The following KLHL25 variants were observed in gnomAD, a reference collection of about 807,000 sequenced individuals.
KLHL25 encodes the protein kelch like family member 25.
In KLHL25, 41 loss-of-function variants were observed where a neutral mutation model predicts 30.0. The observed-to-expected ratio is 1.37, with a 90% CI of 1.07 to 1.78. KLHL25 has a LOEUF of 1.78. Ranked by LOEUF, KLHL25 falls within the 40% of genes most tolerant of loss-of-function variation. The pLI, the probability that KLHL25 is intolerant of heterozygous loss-of-function variation, is 0.00. For missense variants in KLHL25, 971 were observed against 824.5 expected (o/e 1.18, Z -2.18); for synonymous variants, 399 against 355.3 (o/e 1.12, Z -1.38).
At chr15:85,771,153 T>C (rs1177618228) in intron 1 of KLHL25, 1 of 171,976 alleles carries the variant, frequency 5.8e-6, no homozygotes, top group Non-Finnish European at 1.3e-5. Flanking sequence ...GCTCCAGCTG[T>C]GGCTACAACA....
chr15:85,775,359 T>C (rs980606156), intron 1 of KLHL25, among the ~76,000 whole-genome samples: 5 of 152,172 alleles, frequency 3.3e-5, no homozygotes, highest in Middle Eastern at 3.4e-3. Flanking sequence ...CTGCATGAGG[T>C]TGGGTGCCCT....
At chr15:85,770,742 C>A (rs1210917450) in intron 1 of KLHL25, among the ~76,000 whole-genome samples, 1 of 152,176 alleles carries the variant, frequency 6.6e-6, no homozygotes, top group Non-Finnish European at 1.5e-5. Flanking sequence ...CCCCAGCTGA[C>A]GCCAGGATCC....
chr15:85,778,869 C>T (rs112006210), intron 1 of KLHL25, among the ~76,000 whole-genome samples: 385 of 152,242 alleles, frequency 2.5e-3, no homozygotes, highest in African/African-American at 9.0e-3. Context: ...GGATTAAGCT[C>T]CCAGGCCCCA....
At chr15:85,776,309 T>G (rs1297992893) in intron 1 of KLHL25, among the ~76,000 whole-genome samples, 2 of 151,616 alleles carry the variant, frequency 1.3e-5, no homozygotes, top group South Asian at 2.1e-4. Context: ...GCCAATATGG[T>G]GAAACCCCAT....
intron 1 of KLHL25, among the ~76,000 whole-genome samples, chr15:85,778,095 G>A (rs2089721180): frequency 6.6e-6 from 1 of 152,188 alleles, no homozygotes; most frequent in Non-Finnish European, 1.5e-5. Context: ...ATTAATACAT[G>A]CATCATGGTT....
intron 2 of KLHL25, chr15:85,764,100 G>A (rs774980564): frequency 7.9e-5 from 12 of 152,298 alleles, no homozygotes; most frequent in Non-Finnish European, 1.6e-4. Context: ...AGCAGCGAGA[G>A]CTCTGCTTGC....
intron 1 of KLHL25, among the ~76,000 whole-genome samples, chr15:85,775,162 C>A (rs964991636): frequency 6.6e-6 from 1 of 152,224 alleles, no homozygotes; most frequent in Admixed American, 6.5e-5. Flanking sequence ...CAGGCATGAG[C>A]CACTGCGCCC....
chr15:85,773,532 G>C (rs1248586169), intron 1 of KLHL25, among the ~76,000 whole-genome samples: 1 of 152,200 alleles, frequency 6.6e-6, no homozygotes, highest in East Asian at 1.9e-4. Flanking sequence ...TCCCGGGGTG[G>C]GCACTGGGCC....
At position 85,768,627 on chromosome 15, in the gene KLHL25, C is replaced by A. The variant is rs769624698; in HGVS notation, c.1184G>T (p.Gly395Val). The A allele has an allele frequency of 2.5e-6, 4 of 1,612,324 alleles. No homozygotes were observed. Among genetic ancestry groups the A allele is most frequent in the Admixed American group, 3.3e-5 (2 of 59,974 alleles). ...ELENCLYVVG[G>V]HTSLAGVFPA... The stretch of plus-strand genomic sequence containing the variant: ...GAAGACCCCTGCCAGGGATGTGTGT[C>A]CCCCCACCACATAGAGGCAGTTCTC... The change falls in exon 2 of 3, where the codon GGA (glycine) becomes GTA (valine). Residue 395 changes from glycine to valine, a missense_variant. Gly to Val is a moderately radical substitution (Grantham distance 109). Coordinates refer to ENST00000337975, the MANE Select transcript of KLHL25 (RefSeq NM_022480.4).
chr15:85,767,913 T>G (rs2089635056), intron 2 of KLHL25, 104 bp downstream of exon 2: 4 of 754,416 alleles, frequency 5.3e-6, no homozygotes, highest in Admixed American at 5.9e-5. Context: ...CCACCCAGAC[T>G]TCCCTGGAAG....
intron 2 of KLHL25, chr15:85,763,091 G>A (rs1380813095): frequency 1.3e-5 from 2 of 152,346 alleles, no homozygotes; most frequent in African/African-American, 4.8e-5. Flanking sequence ...CCTGGAGTAC[G>A]GGGTGCCCAG....
chr15:85,792,874 T>C (rs985886496), intron 1 of KLHL25, among the ~76,000 whole-genome samples: 3 of 152,130 alleles, frequency 2.0e-5, no homozygotes, highest in African/African-American at 7.2e-5. Flanking sequence ...CACTACGATG[T>C]GTCAGGGCCC....
At chr15:85,764,059 T>A (rs1395573317) in intron 2 of KLHL25, 2 of 152,278 alleles carry the variant, frequency 1.3e-5, no homozygotes, top group African/African-American at 4.8e-5. Context: ...CTCCTCTGGC[T>A]CAGCCCTGAC....
chr15:85,767,957 G>T (rs11637444), intron 2 of KLHL25, 60 bp downstream of exon 2: 5 of 1,101,312 alleles, frequency 4.5e-6, no homozygotes, highest in Non-Finnish European at 5.2e-6. Flanking sequence ...GAAGAGGTGG[G>T]ACTGCATTCC....
intron 1 of KLHL25, among the ~76,000 whole-genome samples, chr15:85,780,142 G>T (rs921759378): frequency 6.6e-6 from 1 of 152,138 alleles, no homozygotes; most frequent in Non-Finnish European, 1.5e-5. Context: ...CTCAGGTTGG[G>T]GGTGCTGCCC....
At chr15:85,764,659 G>C (rs1401522250) in intron 2 of KLHL25, among the ~76,000 whole-genome samples, 2 of 152,222 alleles carry the variant, frequency 1.3e-5, no homozygotes. Context: ...CTGAGGAACA[G>C]CAGTCATGGG....
chr15:85,786,209 C>T (rs763967694), intron 1 of KLHL25, among the ~76,000 whole-genome samples: 1 of 152,206 alleles, frequency 6.6e-6, no homozygotes, highest in Non-Finnish European at 1.5e-5. Context: ...CTCCCTTCCC[C>T]CTACCTACAT....
Position 85,768,525 on chromosome 15 carries a change from G to T in KLHL25, c.1286C>A (p.Pro429His). The change falls in exon 2 of 3, where the codon CCC becomes CAC. Residue 429 changes from proline (P) to histidine (H), a missense_variant. Transcript: ENST00000337975. ...GGCATTGCTGACGCCATCCCGCAAGGGGGCCACCATCATCCACTTGTTGGC... is the reference window on the plus strand; with the variant it reads ...GGCATTGCTGACGCCATCCCGCAAGTGGGCCACCATCATCCACTTGTTGGC... The part of the protein sequence containing the change: ...PGANKWMMVA[P>H]LRDGVSNAAV... 2 of 1,613,712 alleles carry T rather than the reference G, an allele frequency of 1.2e-6. No homozygotes were observed. The highest frequency in any genetic ancestry group is 1.7e-6 in the Non-Finnish European group (2 of 1,179,918).
chr15:85,784,467 G>A (rs1464324207), intron 1 of KLHL25, among the ~76,000 whole-genome samples: 1 of 152,026 alleles, frequency 6.6e-6, no homozygotes, highest in East Asian at 1.9e-4. Flanking sequence ...GGAGGCAGAG[G>A]TTGCAGTGAG....
Sources: allele counts gnomAD v4.1 joint callset (sites outside exome capture counted in the v4.1 genomes callset), GRCh38; gene constraint gnomAD v4.1.1; transcripts MANE v1.5; gene names NCBI Gene and HGNC (gene_info 2026-07-23, HGNC 2026-07-21).